The following GRIP2 variants were observed in gnomAD, a reference collection of about 807,000 sequenced individuals.
GRIP2 encodes glutamate receptor-interacting protein 2.
In GRIP2, 58 loss-of-function variants were observed where a neutral mutation model predicts 108.3. That is an observed-to-expected ratio of 0.54 (90% confidence interval 0.43 to 0.67). The LOEUF (loss-of-function observed/expected upper bound fraction) is 0.67, where lower values mean the gene tolerates loss of function less well. GRIP2 is among the 30% of genes least tolerant of loss of function. GRIP2 has a pLI of 0.00. For synonymous variants in GRIP2, 586 were observed against 598.2 expected, an observed-to-expected ratio of 0.98 and a Z score of 0.30; for missense variants, 1,278 against 1,430.6, an observed-to-expected ratio of 0.89 and a Z score of 1.72.
At chr3:14,531,510 C>T (rs975198554) in intron 1 of GRIP2, among the ~76,000 whole-genome samples, 4 of 152,190 alleles carry the variant, frequency 2.6e-5, no homozygotes, top group Non-Finnish European at 4.4e-5. Context: ...CCTGATGGGG[C>T]ATATTCTGGT....
In GRIP2 at chr3:14,540,245, G is replaced by A. The variant is rs754897244; in HGVS notation, c.40+24C>T. 3 of 1,611,986 alleles carry A rather than the reference G, an allele frequency of 1.9e-6. No homozygotes were observed. The highest frequency in any genetic ancestry group is 2.7e-5 in the African/African-American group (2 of 74,826). ...TCTATGTGTTCAGCCCCATCACTCT[G>A]CCCACAGACCCCCCATTACGTACCC... On this transcript the variant is annotated intron_variant, in intron 1 of 23. Transcript: ENST00000621039. This position sits in a 1 kb window ranked among gnomAD's most constrained non-coding sequence, Gnocchi z 4.1.
At chr3:14,560,227 C>G (rs1695298857), upstream of GRIP2, among the ~76,000 whole-genome samples, 1 of 152,112 alleles carries the variant, frequency 6.6e-6, no homozygotes, top group African/African-American at 2.4e-5. Context: ...GCATTCCAGC[C>G]TGAGTGACAG....
chr3:14,539,623 T>C (rs1694912847), intron 1 of GRIP2, among the ~76,000 whole-genome samples: 1 of 152,176 alleles, frequency 6.6e-6, no homozygotes, highest in African/African-American at 2.4e-5. Flanking sequence ...CCAAGCTCCC[T>C]CTTTGGAGGA....
rs759396278 is a variant in GRIP2, at chr3:14,540,297, C to T, written c.12G>A (p.Gly4=). Residue 4 remains glycine (G), a synonymous_variant, in exon 1 of 24, where the codon GGG becomes GGA. Transcript: ENST00000621039. The surrounding 1 kb of genome is among the most constrained non-coding windows in gnomAD (Gnocchi z 4.1). ...CCTCTCCAGGGGTCTCCCGGCTGAGCCCACACAGCATGTTCGCTATTGTCT... is the reference window on the plus strand; with the variant it reads ...CCTCTCCAGGGGTCTCCCGGCTGAGTCCACACAGCATGTTCGCTATTGTCT... MLC[G]LSRETPGEAD... 1 of 1,613,782 alleles carries T rather than the reference C, an allele frequency of 6.2e-7. No homozygotes were observed. Among genetic ancestry groups the T allele is most frequent in the South Asian group, 1.1e-5 (1 of 91,048 alleles).
chr3:14,495,404 T>G lies in GRIP2; in HGVS notation c.2824-415A>C, dbSNP rs547793683. ...CCATATCTTTTTTGTTGTTGTTGTT[T>G]TTGTTTTCGTTTTTGTTTTTGAGAT... On this transcript the variant is annotated intron_variant, in intron 22 of 23. Transcript: ENST00000621039. Among the ~76,000 whole-genome samples, 70 of 152,172 alleles carry G rather than the reference T, an allele frequency of 4.6e-4. 1 individual carries two copies. Among genetic ancestry groups the G allele is most frequent in the African/African-American group, 1.7e-3 (69 of 41,496 alleles).
chr3:14,586,202 C>T, the GRIP2 span, among the ~76,000 whole-genome samples: 1 of 152,230 alleles, frequency 6.6e-6, no homozygotes, highest in Admixed American at 6.5e-5. Context: ...CCCTCCCTGA[C>T]TACCCCATCA....
chr3:14,511,473 C>A lies in GRIP2; in HGVS notation c.1727G>T (p.Ser576Ile). The change falls in exon 15 of 24, where the codon AGC (serine) becomes ATC (isoleucine). Residue 576 changes from serine to isoleucine, a missense_variant. By Grantham distance (142) the Ser-to-Ile change is moderately radical (BLOSUM62 -2). Coordinates refer to ENST00000621039, the MANE Select transcript of GRIP2 (RefSeq NM_001080423.4). The surrounding 1 kb of genome is among the most constrained non-coding windows in gnomAD (Gnocchi z 4.1). The stretch of plus-strand genomic sequence containing the variant: ...GATCAAGGGCTCCCCTCGTTTCCTG[C>A]TGGCCGCTGGAGAAAAAGAGGCCAT... ...VELGITISSA[S>I]RKRGEPLIIS... 1 of 1,613,412 alleles carries A rather than the reference C, an allele frequency of 6.2e-7. No individual in the cohort carries two copies. The highest frequency in any genetic ancestry group is 2.2e-5 in the East Asian group (1 of 44,880).
chr3:14,567,218 A>G, the GRIP2 span, among the ~76,000 whole-genome samples: 5 of 152,180 alleles, frequency 3.3e-5, no homozygotes, highest in Non-Finnish European at 1.5e-5. Context: ...ACTCATACCC[A>G]GGACTCTTGG....
chr3:14,581,120 G>A, the GRIP2 span, among the ~76,000 whole-genome samples: 1 of 152,216 alleles, frequency 6.6e-6, no homozygotes, highest in South Asian at 2.1e-4. Flanking sequence ...GGGCGGATGG[G>A]TGGATGGGTG....
At chr3:14,528,651 T>G (rs1399058252) in intron 1 of GRIP2, among the ~76,000 whole-genome samples, 1 of 151,770 alleles carries the variant, frequency 6.6e-6, no homozygotes, top group Non-Finnish European at 1.5e-5. Flanking sequence ...AGCCCAGGAA[T>G]TCAAGACCAG....
intron 10 of GRIP2, 71 bp downstream of exon 10, chr3:14,517,701 A>T (rs1694292681): frequency 1.3e-6 from 2 of 1,567,286 alleles, no homozygotes; most frequent in South Asian, 2.3e-5. Flanking sequence ...CTTCCCTTAG[A>T]CAACAGGCAT....
chr3:14,592,998 T>C, the GRIP2 span, among the ~76,000 whole-genome samples: 1 of 152,198 alleles, frequency 6.6e-6, no homozygotes, highest in African/African-American at 2.4e-5. Context: ...ACTTGAGTAT[T>C]TTCTGCTCCA....
upstream of GRIP2, among the ~76,000 whole-genome samples, chr3:14,545,854 G>C (rs1177508086): frequency 6.6e-6 from 1 of 152,214 alleles, no homozygotes; most frequent in Non-Finnish European, 1.5e-5. Context: ...ACCTTCCAGA[G>C]GTCAGCTGGG....
At chr3:14,523,528 A>G (rs1444757643) in intron 5 of GRIP2, 84 bp downstream of exon 5, 1 of 888,348 alleles carries the variant, frequency 1.1e-6, no homozygotes, top group African/African-American at 1.7e-5. Context: ...CATAAATTAC[A>G]TTCAAATCCA....
At chr3:14,552,277 G>C (rs4234527) in intron 1 of GRIP2, among the ~76,000 whole-genome samples, 122,230 of 151,958 alleles carry the variant, frequency 0.8, 49,321 homozygotes, top group South Asian at 0.9. Context: ...CAAGGGGAGT[G>C]CCATTAAGGA....
At chr3:14,585,661 G>T in the GRIP2 span, among the ~76,000 whole-genome samples, 1 of 152,160 alleles carries the variant, frequency 6.6e-6, no homozygotes, top group African/African-American at 2.4e-5. Context: ...TCTGCACAGC[G>T]AACAAACCTC....
At chr3:14,574,914 T>G in the GRIP2 span, 3 of 214,358 alleles carry the variant, frequency 1.4e-5, no homozygotes, top group Non-Finnish European at 2.8e-5. Context: ...CGCTGTATTA[T>G]TCCATTGATA....
At chr3:14,543,911 C>T (rs550259158), upstream of GRIP2, among the ~76,000 whole-genome samples, 35 of 152,310 alleles carry the variant, frequency 2.3e-4, no homozygotes, top group African/African-American at 7.9e-4. Flanking sequence ...TCAGCTTCCT[C>T]GGCTGTAGAA....
At chr3:14,590,086 C>T in the GRIP2 span, among the ~76,000 whole-genome samples, 1 of 152,286 alleles carries the variant, frequency 6.6e-6, no homozygotes, top group African/African-American at 2.4e-5. Context: ...GCCACCACAC[C>T]CAGCTAAACA....
Sources: gnomAD v4.1 joint callset for allele counts (sites outside exome capture counted in the v4.1 genomes callset) on GRCh38, gnomAD v4.1.1 for gene constraint, Gnocchi (gnomAD v3.1) non-coding constraint, MANE v1.5 for transcripts, NCBI Gene and HGNC (gene_info 2026-07-23, HGNC 2026-07-21) for gene names.